Variants in C21orf91 observed in about 807,000 individuals in gnomAD.
C21orf91 encodes the protein protein EURL homolog.
Under a neutral mutation model 32.9 loss-of-function variants are expected in C21orf91, and 26 were observed. The observed-to-expected ratio is 0.79, with a 90% CI of 0.58 to 1.10. The LOEUF is 1.10. Among genes scored for constraint, C21orf91 ranks in the 50% least tolerant of loss-of-function variants. The pLI is 0.00. For synonymous variants in C21orf91, 126 were observed against 120.4 expected (o/e 1.05, Z -0.31); for missense variants, 310 against 341.3 (o/e 0.91, Z 0.72).
intron 2 of C21orf91, among the ~76,000 whole-genome samples, chr21:17,802,821 GACTCCCTCAC>G (rs1395193927): frequency 6.6e-6 from 1 of 152,182 alleles, no homozygotes; most frequent in Non-Finnish European, 1.5e-5. Context: ...CATGTCATCT[GACTCCCTCAC>G]ACTTTTTGTG....
chr21:17,795,219 T>C lies in C21orf91; in HGVS notation c.716A>G (p.Gln239Arg). 3 of 1,609,654 alleles carry C rather than the reference T, an allele frequency of 1.9e-6. No individual in the cohort carries two copies. Among genetic ancestry groups the C allele is most frequent in the Non-Finnish European group, 2.6e-6 (3 of 1,176,098 alleles). The change falls in exon 4 of 5, where the codon CAG (glutamine) becomes CGG (arginine). Residue 239 changes from glutamine to arginine, a missense_variant. Gln to Arg is a conservative substitution (Grantham distance 43). Transcript: ENST00000284881. ...EVEQLNAKLL[Q>R]QIQEVFEELT... is the part of the protein sequence containing the mutation. The stretch of plus-strand genomic sequence containing the variant: ...ACAGTGATTCTTACCCTGGATTTGC[T>C]GTAGGAGCTTTGCATTCAGTTGCTC...
chr21:17,812,922 T>C (rs1199950737), intron 2 of C21orf91, among the ~76,000 whole-genome samples: 1 of 152,204 alleles, frequency 6.6e-6, no homozygotes, highest in Non-Finnish European at 1.5e-5. Context: ...TGAAGACCCT[T>C]GCCCAAATGC....
At chr21:17,816,995 A>T (rs1784530605) in intron 2 of C21orf91, among the ~76,000 whole-genome samples, 1 of 152,104 alleles carries the variant, frequency 6.6e-6, no homozygotes. Flanking sequence ...TTTTTATTTA[A>T]TTTTTTAGAG....
intron 2 of C21orf91, chr21:17,810,539 TGCTATGCAA>T (rs1249214645): frequency 6.6e-6 from 1 of 152,236 alleles, no homozygotes; most frequent in Non-Finnish European, 1.5e-5. Flanking sequence ...AAAAGGGAGC[TGCTATGCAA>T]TTTCAGGATT....
intron 2 of C21orf91, among the ~76,000 whole-genome samples, chr21:17,811,792 T>C (rs1600888348): frequency 6.6e-6 from 1 of 152,178 alleles, no homozygotes; most frequent in Non-Finnish European, 1.5e-5. Flanking sequence ...TAATAAATCA[T>C]TTTAATTTAT....
At chr21:17,815,233 AATGT>A (rs1274547534) in intron 2 of C21orf91, among the ~76,000 whole-genome samples, 2 of 152,232 alleles carry the variant, frequency 1.3e-5, no homozygotes, top group African/African-American at 4.8e-5. Flanking sequence ...GTTTACTACA[AATGT>A]ATGGACTCAA....
At chr21:17,800,683 C>G (rs2062553112) in intron 2 of C21orf91, among the ~76,000 whole-genome samples, 1 of 152,178 alleles carries the variant, frequency 6.6e-6, no homozygotes, top group South Asian at 2.1e-4. Flanking sequence ...ATAATAATTT[C>G]CAAACCAGTC....
chr21:17,804,210 A>G (rs1165196007), intron 2 of C21orf91, among the ~76,000 whole-genome samples: 1 of 152,224 alleles, frequency 6.6e-6, no homozygotes, highest in East Asian at 1.9e-4. Context: ...ATTATTATCT[A>G]TTGCCAAGCA....
In C21orf91 at chr21:17,791,065, C is replaced by A. The variant is rs1269708563; in HGVS notation, c.*2350G>T. On this transcript the variant is annotated 3_prime_UTR_variant, in exon 5 of 5. Transcript: ENST00000284881. ...AACAATATTTGTGATATTTCATGTT[C>A]TCTTGTTAGAACTCAACTCTGTACC... is the stretch of plus-strand genomic sequence containing the variant. The A allele has an allele frequency of 7.2e-6, 1 of 139,306 alleles. No individual in the cohort carries two copies. The highest frequency in any genetic ancestry group is 1.7e-5 in the Non-Finnish European group (1 of 60,446). 8.6% of individuals were successfully genotyped at this position (139,306 alleles called of 1,614,324 possible).
chr21:17,796,279 A>G (rs2062517078), intron 3 of C21orf91, among the ~76,000 whole-genome samples: 1 of 152,220 alleles, frequency 6.6e-6, no homozygotes, highest in Admixed American at 6.5e-5. Flanking sequence ...CAACAGATGA[A>G]GCTGTACTTC....
At chr21:17,819,158 T>C (rs1477228790) in intron 1 of C21orf91, 145 bp downstream of exon 1, 1 of 151,952 alleles carries the variant, frequency 6.6e-6, no homozygotes, top group East Asian at 1.9e-4. Flanking sequence ...CGGACCCAAG[T>C]CCGTCTTTCC....
intron 2 of C21orf91, among the ~76,000 whole-genome samples, chr21:17,817,369 T>C (rs1600892602): frequency 1.3e-5 from 2 of 152,024 alleles, no homozygotes; most frequent in South Asian, 2.1e-4. Context: ...ATTTCAAATA[T>C]ATAATACAGA....
intron 2 of C21orf91, among the ~76,000 whole-genome samples, chr21:17,807,205 G>A (rs557809136): frequency 3.9e-5 from 6 of 152,298 alleles, no homozygotes; most frequent in Admixed American, 3.9e-4. Context: ...GCTGGTAGGA[G>A]GTAACTGGAT....
chr21:17,798,997 A>G (rs773867807), intron 2 of C21orf91, among the ~76,000 whole-genome samples: 3 of 152,178 alleles, frequency 2.0e-5, no homozygotes, highest in Non-Finnish European at 4.4e-5. Context: ...CTTGTTGCCA[A>G]CAGATGGTTA....
Position 17,791,236 on chromosome 21 carries a change from A to C in C21orf91, c.*2179T>G, listed in dbSNP as rs1015170272. The C allele has an allele frequency of 6.6e-6, 1 of 152,162 alleles. No homozygotes were observed. Among genetic ancestry groups the C allele is most frequent in the Non-Finnish European group, 1.5e-5 (1 of 67,974 alleles). 9.4% of individuals were successfully genotyped at this position (152,162 alleles called of 1,614,324 possible). ...TTTTTTTTACTAGGAACTCATCCAA[A>C]TAAAGTAGTGTGAGTACCAGCACCA... On this transcript the variant is annotated 3_prime_UTR_variant, in exon 5 of 5. Coordinates refer to ENST00000284881, the MANE Select transcript of C21orf91 (RefSeq NM_001100420.2).
At chr21:17,813,167 T>C (rs1221399065) in intron 2 of C21orf91, among the ~76,000 whole-genome samples, 2 of 152,242 alleles carry the variant, frequency 1.3e-5, no homozygotes, top group East Asian at 1.9e-4. Flanking sequence ...CAGATTGAAT[T>C]AGCTCTTTAC....
intron 2 of C21orf91, among the ~76,000 whole-genome samples, chr21:17,806,020 G>T (rs2062591504): frequency 6.6e-6 from 1 of 152,134 alleles, no homozygotes; most frequent in Non-Finnish European, 1.5e-5. Context: ...TTAAACAAAA[G>T]ATAGCCTTAA....
chr21:17,812,435 G>T (rs1162578134), intron 2 of C21orf91, among the ~76,000 whole-genome samples: 1 of 152,180 alleles, frequency 6.6e-6, no homozygotes, highest in East Asian at 1.9e-4. Flanking sequence ...AGGTGATTAG[G>T]TAATGAGGGC....
chr21:17,813,376 C>G (rs947194483), intron 2 of C21orf91, among the ~76,000 whole-genome samples: 1 of 152,104 alleles, frequency 6.6e-6, no homozygotes, highest in Non-Finnish European at 1.5e-5. Context: ...GGTAAAGACA[C>G]GGAGAATCAA....
Sources: allele counts gnomAD v4.1 joint callset (sites outside exome capture counted in the v4.1 genomes callset), GRCh38; gene constraint gnomAD v4.1.1; transcripts MANE v1.5; gene names NCBI Gene and HGNC (gene_info 2026-07-23, HGNC 2026-07-21).